Variants in ZNF610 observed in about 807,000 individuals in gnomAD.
ZNF610 encodes zink finger protein.
In ZNF610, 14 loss-of-function variants were observed where a neutral mutation model predicts 14.1. The ratio of observed to expected loss-of-function variants is 0.99; its 90% CI spans 0.65 to 1.55. The LOEUF (loss-of-function observed/expected upper bound fraction) is 1.55, where lower values mean the gene tolerates loss of function less well. Ranked by LOEUF, ZNF610 falls within the 40% of genes most tolerant of loss-of-function variation. ZNF610 has a pLI of 0.00. For synonymous variants in ZNF610, 185 were observed against 187.6 expected (o/e 0.99, Z 0.11); for missense variants, 530 against 558.0 (o/e 0.95, Z 0.51).
chr19:52,362,271 C>T (rs1402349825), intron 5 of ZNF610, among the ~76,000 whole-genome samples: 2 of 152,232 alleles, frequency 1.3e-5, no homozygotes, highest in African/African-American at 2.4e-5. Flanking sequence ...GTTAGCTGGG[C>T]ATGGTGGCAC....
At chr19:52,353,591 T>C (rs1985364048) in intron 3 of ZNF610, 91 bp from the exon 4 acceptor site, 11 of 1,430,934 alleles carry the variant, frequency 7.7e-6, no homozygotes, top group Non-Finnish European at 9.6e-6. Context: ...TCTGCCATTT[T>C]TAATAGCTTA....
In ZNF610 at chr19:52,366,636, A is replaced by G. The variant is rs994971280; in HGVS notation, c.1258A>G (p.Arg420Gly). Reference protein sequence around the residue: ...GRKLYLTNHQRIHTGERPYKC... With the variant: ...GRKLYLTNHQGIHTGERPYKC... ...CAAATTATACCTAACCAACCATCAG[A>G]GAATTCATACTGGAGAGAGACCTTA... Residue 420 changes from arginine to glycine, a missense_variant, in exon 6 of 6, where the codon AGA becomes GGA. Transcript: ENST00000403906. The G allele has an allele frequency of 6.2e-7, 1 of 1,614,126 alleles. No individual in the cohort carries two copies. Among genetic ancestry groups the G allele is most frequent in the African/African-American group, 1.3e-5 (1 of 74,942 alleles).
At chr19:52,341,268 G>C (rs1014528480) in intron 1 of ZNF610, among the ~76,000 whole-genome samples, 8 of 151,846 alleles carry the variant, frequency 5.3e-5, no homozygotes, top group Non-Finnish European at 1.2e-4. Context: ...TTGCTCCTGC[G>C]ACCTGTTTCT....
intron 1 of ZNF610, chr19:52,345,006 T>A (rs1405152439): frequency 6.6e-6 from 1 of 152,236 alleles, no homozygotes; most frequent in Non-Finnish European, 1.5e-5. Flanking sequence ...GGTCTTGAAC[T>A]CCTGAGCTCA....
chr19:52,338,184 T>G (rs1338492664), intron 1 of ZNF610, among the ~76,000 whole-genome samples: 3 of 152,248 alleles, frequency 2.0e-5, no homozygotes, highest in African/African-American at 7.2e-5. Context: ...TTGCAAGTCC[T>G]GGGTTGGGAC....
At chr19:52,332,463 T>A (rs983457635), upstream of ZNF610, among the ~76,000 whole-genome samples, 5 of 152,200 alleles carry the variant, frequency 3.3e-5, no homozygotes, top group South Asian at 2.1e-4. This position sits in a 1 kb window ranked among gnomAD's most constrained non-coding sequence, Gnocchi z 4.1. Flanking sequence ...CATTATCATC[T>A]TCTTATTCTG....
At chr19:52,345,767 T>C (rs977626181) in intron 1 of ZNF610, among the ~76,000 whole-genome samples, 3 of 151,842 alleles carry the variant, frequency 2.0e-5, no homozygotes, top group African/African-American at 4.8e-5. Context: ...TGCAGTGGGG[T>C]GATCTCGACT....
At chr19:52,360,654 G>C (rs903189361) in intron 5 of ZNF610, among the ~76,000 whole-genome samples, 1 of 152,028 alleles carries the variant, frequency 6.6e-6, no homozygotes, top group Non-Finnish European at 1.5e-5. Context: ...TTCTGCATCT[G>C]ATGAGCCTAT....
At chr19:52,335,149 C>T (rs1984317953), upstream of ZNF610, among the ~76,000 whole-genome samples, 2 of 151,360 alleles carry the variant, frequency 1.3e-5, no homozygotes, top group African/African-American at 4.9e-5. Context: ...ACTAAAAATA[C>T]AAAAAATTAG....
At chr19:52,354,214 G>A (rs762937965) in intron 4 of ZNF610, 37 bp from the exon 5 acceptor site, 5 of 1,608,648 alleles carry the variant, frequency 3.1e-6, no homozygotes, top group African/African-American at 2.7e-5. Flanking sequence ...TTTTGGAAAT[G>A]CCCCAGCACA....
chr19:52,361,470 C>T (rs1436888585), intron 5 of ZNF610, among the ~76,000 whole-genome samples: 2 of 152,126 alleles, frequency 1.3e-5, no homozygotes, highest in African/African-American at 4.8e-5. Flanking sequence ...AGCCACTGCG[C>T]CCGGCCACAA....
At chr19:52,342,113 T>C (rs28581702) in intron 1 of ZNF610, among the ~76,000 whole-genome samples, 4,490 of 152,214 alleles carry the variant, frequency 0.029, 224 homozygotes, top group African/African-American at 0.1. Context: ...CATGCTAATA[T>C]TTTGATTTTT....
chr19:52,363,175 G>A (rs372858038), intron 5 of ZNF610, among the ~76,000 whole-genome samples: 5 of 150,914 alleles, frequency 3.3e-5, no homozygotes, highest in African/African-American at 1.2e-4. Flanking sequence ...GCCTACCCAG[G>A]CTGGAGGGCA....
intron 1 of ZNF610, among the ~76,000 whole-genome samples, chr19:52,338,896 G>A (rs1462488505): frequency 1.3e-5 from 2 of 148,500 alleles, no homozygotes; most frequent in African/African-American, 5.0e-5. Flanking sequence ...GGGCCCAGGG[G>A]ACCGGCGCTC....
intron 1 of ZNF610, among the ~76,000 whole-genome samples, chr19:52,342,594 A>G (rs1984738526): frequency 6.7e-6 from 1 of 148,764 alleles, no homozygotes; most frequent in African/African-American, 2.5e-5. Context: ...ATCTCGGCTC[A>G]TTGGAACCTC....
chr19:52,335,832 G>A (rs934914096), upstream of ZNF610, among the ~76,000 whole-genome samples: 1 of 150,762 alleles, frequency 6.6e-6, no homozygotes, highest in African/African-American at 2.4e-5. Context: ...AAATTAAATT[G>A]TTAAAATTAG....
At chr19:52,345,053 A>G (rs1219918589) in intron 1 of ZNF610, 1 of 152,296 alleles carries the variant, frequency 6.6e-6, no homozygotes, top group East Asian at 1.9e-4. Context: ...AAGTGCTAGG[A>G]TTACAGGTGT....
At chr19:52,357,414 G>A (rs545530845) in intron 5 of ZNF610, among the ~76,000 whole-genome samples, 3 of 152,206 alleles carry the variant, frequency 2.0e-5, no homozygotes, top group African/African-American at 7.2e-5. Context: ...GGGAGGCCCA[G>A]GCGGGCGGAT....
At chr19:52,343,782 T>G (rs1984801697) in intron 1 of ZNF610, among the ~76,000 whole-genome samples, 1 of 152,070 alleles carries the variant, frequency 6.6e-6, no homozygotes, top group Admixed American at 6.6e-5. Context: ...GCTAACGGTG[T>G]GATCATTGGA....
Sources: allele counts gnomAD v4.1 joint callset (sites outside exome capture counted in the v4.1 genomes callset), GRCh38; gene constraint gnomAD v4.1.1; non-coding constraint Gnocchi (gnomAD v3.1); transcripts MANE v1.5; gene names NCBI Gene and HGNC (gene_info 2026-07-23, HGNC 2026-07-21).